The following RBFOX1 variants were observed in gnomAD, a reference collection of about 807,000 sequenced individuals.
RBFOX1 encodes RNA binding fox-1 homolog 1, also known as RNA binding protein fox-1 homolog 1.
Under a neutral mutation model 57.7 loss-of-function variants are expected in RBFOX1, and 8 were observed. The ratio of observed to expected loss-of-function variants is 0.14; its 90% confidence interval spans 0.08 to 0.25. RBFOX1 has a LOEUF of 0.25. RBFOX1 is among the 10% of genes least tolerant of loss of function. The pLI, the probability that RBFOX1 is intolerant of heterozygous loss-of-function variation, is 1.00. For synonymous variants in RBFOX1, 326 were observed against 222.4 expected, an observed-to-expected ratio of 1.47 and a Z score of -4.15; for missense variants, 611 against 548.5, an observed-to-expected ratio of 1.11 and a Z score of -1.14.
intron 4 of RBFOX1, among the ~76,000 whole-genome samples, chr16:7,062,493 G>A (rs1186720564): frequency 6.6e-6 from 1 of 151,936 alleles, no homozygotes; most frequent in African/African-American, 2.4e-5. Flanking sequence ...ATGCTTCCTT[G>A]TTGTCTGCAT....
intron 3 of RBFOX1, among the ~76,000 whole-genome samples, chr16:6,712,793 C>A (rs1357592761): frequency 6.6e-6 from 1 of 151,748 alleles, no homozygotes; most frequent in Non-Finnish European, 1.5e-5. Flanking sequence ...TTGGCTGTGT[C>A]CCCACCCAAA....
intron 4 of RBFOX1, among the ~76,000 whole-genome samples, chr16:7,232,230 G>T (rs2093541451): frequency 2.0e-5 from 3 of 152,066 alleles, no homozygotes; most frequent in Admixed American, 6.6e-5. Flanking sequence ...CACCATGTTG[G>T]CCAGGCTGGT....
chr16:5,557,460 T>G (rs909878472), intron 2 of RBFOX1, among the ~76,000 whole-genome samples: 6 of 151,984 alleles, frequency 3.9e-5, no homozygotes, highest in South Asian at 2.1e-4. Context: ...TGAATATACA[T>G]TTTGATGCAT....
intron 4 of RBFOX1, among the ~76,000 whole-genome samples, chr16:7,273,203 T>A (rs1450275475): frequency 1.1e-5 from 1 of 89,228 alleles, no homozygotes; most frequent in Non-Finnish European, 2.1e-5. Context: ...CCTTCCTCCC[T>A]CCCTTCCTTC....
intron 1 of RBFOX1, among the ~76,000 whole-genome samples, chr16:5,367,825 T>C (rs1228192312): frequency 6.6e-6 from 1 of 152,172 alleles, no homozygotes; most frequent in Non-Finnish European, 1.5e-5. Flanking sequence ...CTCTTAAACC[T>C]GGGTCTGTCT....
chr16:7,021,285 T>G (rs1233883116), intron 3 of RBFOX1, among the ~76,000 whole-genome samples: 1 of 150,040 alleles, frequency 6.7e-6, no homozygotes, highest in Non-Finnish European at 1.5e-5. Flanking sequence ...CTTGGTTTCA[T>G]TTTATTTTCT....
At chr16:7,446,709 C>A (rs955861012) in intron 4 of RBFOX1, among the ~76,000 whole-genome samples, 6 of 151,120 alleles carry the variant, frequency 4.0e-5, no homozygotes, top group African/African-American at 1.2e-4. Context: ...ACACCAGAAA[C>A]CCCAGAATTT....
chr16:7,278,070 C>A (rs962555239), intron 4 of RBFOX1, among the ~76,000 whole-genome samples: 2 of 152,068 alleles, frequency 1.3e-5, no homozygotes, highest in African/African-American at 4.8e-5. Flanking sequence ...CAGTTGATTC[C>A]GTAGGCGGCT....
At chr16:7,573,757 C>A (rs1162201858) in intron 5 of RBFOX1, among the ~76,000 whole-genome samples, 2 of 151,914 alleles carry the variant, frequency 1.3e-5, no homozygotes, top group African/African-American at 4.8e-5. Flanking sequence ...ATTGCTTGAA[C>A]CCGGGAGGCA....
At chr16:7,532,356 C>T (rs1326523767) in intron 5 of RBFOX1, among the ~76,000 whole-genome samples, 2 of 152,078 alleles carry the variant, frequency 1.3e-5, no homozygotes, top group Non-Finnish European at 2.9e-5. Context: ...AGATGAGCCC[C>T]AGAGAGTTTC....
In RBFOX1 at chr16:6,477,997, T is replaced by C. The variant is rs564126618; in HGVS notation, c.-64+160940T>C. Among the ~76,000 whole-genome samples the C allele has an allele frequency of 8.5e-5, 13 of 152,212 alleles. No individual in the cohort carries two copies. The East Asian group carries it at 2.5e-3, about 29-fold the overall frequency. On this transcript the variant is annotated intron_variant, in intron 2 of 15. Transcript: ENST00000550418. ...CCACCTCTCTCTGCCTCCATAGAAT[T>C]CAAGAGGATTAAAGTCTTGATCTGG...
intron 4 of RBFOX1, among the ~76,000 whole-genome samples, chr16:5,892,056 G>A (rs1368645089): frequency 2.0e-5 from 3 of 152,288 alleles, no homozygotes; most frequent in South Asian, 2.1e-4. Context: ...TTGCATTCCC[G>A]TTAGGCACAT....
intron 3 of RBFOX1, among the ~76,000 whole-genome samples, chr16:6,968,751 CTT>C (rs1412507676): frequency 2.0e-5 from 3 of 152,116 alleles, no homozygotes; most frequent in African/African-American, 7.2e-5. Context: ...TCTCCCTCCT[CTT>C]TGCCTAGTAC....
At chr16:5,270,275 A>T (rs1381971349) in intron 1 of RBFOX1, 3 of 617,798 alleles carry the variant, frequency 4.9e-6, no homozygotes, top group Admixed American at 2.3e-5. Flanking sequence ...ATGATGTAAA[A>T]GCACCTGCTA....
In RBFOX1 at chr16:6,040,549, ATTCT is replaced by A. The variant is rs140819240; in HGVS notation, c.-127+20578_-127+20581del. Reference sequence around the variant, plus strand: ...GCAAGTGTGAGGGTGTGAATTAATCATTCTTTCTTTCTTTCTTTCTTTCTCTCTC... The same window carrying A: ...GCAAGTGTGAGGGTGTGAATTAATCATTCTTTCTTTCTTTCTTTCTCTCTC... On this transcript the variant is annotated intron_variant, in intron 1 of 15. Coordinates refer to ENST00000550418, the MANE Select transcript of RBFOX1 (RefSeq NM_018723.4). Among the ~76,000 whole-genome samples, 897 of 151,270 alleles carry A rather than the reference ATTCT, an allele frequency of 5.9e-3. 9 individuals are homozygous for A. Among genetic ancestry groups the A allele is most frequent in the African/African-American group, 0.02 (806 of 41,202 alleles).
intron 5 of RBFOX1, among the ~76,000 whole-genome samples, chr16:7,524,382 G>A (rs1240466344): frequency 2.0e-5 from 3 of 152,024 alleles, no homozygotes; most frequent in African/African-American, 4.8e-5. Flanking sequence ...CTTTTTTTCT[G>A]CTGAATTTCT....
At chr16:5,778,772 A>T (rs911837906) in intron 3 of RBFOX1, among the ~76,000 whole-genome samples, 3 of 151,840 alleles carry the variant, frequency 2.0e-5, no homozygotes, top group African/African-American at 7.3e-5. Context: ...TTGAGCTCTA[A>T]CTCCCACCCC....
At chr16:6,160,136 T>C (rs1281076330) in intron 1 of RBFOX1, among the ~76,000 whole-genome samples, 1 of 152,172 alleles carries the variant, frequency 6.6e-6, no homozygotes, top group Non-Finnish European at 1.5e-5. Flanking sequence ...GTTTATAAGG[T>C]AATGTGTACC....
chr16:5,823,807 A>G (rs1002303321), intron 3 of RBFOX1, among the ~76,000 whole-genome samples: 2 of 152,136 alleles, frequency 1.3e-5, no homozygotes, highest in African/African-American at 4.8e-5. Context: ...TTGCAGGAAA[A>G]CAAGCTCAGG....
Sources: gnomAD v4.1 joint callset for allele counts (sites outside exome capture counted in the v4.1 genomes callset) on GRCh38, gnomAD v4.1.1 for gene constraint, MANE v1.5 for transcripts, NCBI Gene and HGNC (gene_info 2026-07-23, HGNC 2026-07-21) for gene names.